UBE2R2: variants seen among roughly 807,000 people sequenced by gnomAD.
UBE2R2 encodes the protein ubiquitin conjugating enzyme E2 R2, also known as ubiquitin-conjugating enzyme E2 R2.
Under a neutral mutation model 27.8 loss-of-function variants are expected in UBE2R2, and 1 was observed. The observed-to-expected ratio is 0.04, with a 90% CI of 0.01 to 0.17. UBE2R2 has a LOEUF of 0.17. UBE2R2 is among the 10% of genes least tolerant of loss of function. UBE2R2 has a pLI of 1.00. For synonymous variants in UBE2R2, 106 were observed against 113.3 expected (o/e 0.94, Z 0.41); for missense variants, 100 against 291.0 (o/e 0.34, Z 4.78).
intron 1 of UBE2R2, among the ~76,000 whole-genome samples, chr9:33,874,728 A>G (rs1821565875): frequency 1.3e-5 from 2 of 151,974 alleles, no homozygotes; most frequent in South Asian, 4.2e-4. Flanking sequence ...CTGGGGTGCA[A>G]TGTCAGGATC....
At chr9:33,822,906 A>C (rs1229664131) in intron 1 of UBE2R2, among the ~76,000 whole-genome samples, 3 of 127,870 alleles carry the variant, frequency 2.3e-5, no homozygotes, top group South Asian at 2.4e-4. Context: ...CTTCTTATTA[A>C]TTTTTTTTTT....
intron 1 of UBE2R2, among the ~76,000 whole-genome samples, chr9:33,841,225 G>A (rs1285730614): frequency 2.0e-5 from 3 of 152,102 alleles, no homozygotes; most frequent in African/African-American, 4.8e-5. Context: ...GATTACAGGC[G>A]TGTGCCACCA....
chr9:33,917,340 C>G lies in UBE2R2; in HGVS notation c.*103C>G, dbSNP rs560428091. On this transcript the variant is annotated 3_prime_UTR_variant, in exon 5 of 5. Transcript: ENST00000263228. ...CCCCTCAGCAAAAACCTATTCACAG[C>G]GGGTGGGGAAACACACACAGCTCCT... The G allele has an allele frequency of 3.3e-6, 5 of 1,532,742 alleles. No individual in the cohort carries two copies. The South Asian group carries it at 6.2e-5, about 19-fold the overall frequency. The allele number at this position is 1,532,742 out of a possible 1,614,324, so 94.9% of individuals were successfully genotyped here. A position where few individuals can be genotyped will look rare whatever the true frequency, so the allele number is the denominator to read the frequency against.
chr9:33,873,726 G>T (rs1214927099), intron 1 of UBE2R2, among the ~76,000 whole-genome samples: 2 of 151,798 alleles, frequency 1.3e-5, no homozygotes, highest in African/African-American at 4.8e-5. Flanking sequence ...CTGCATACTT[G>T]ACCTCCCAGG....
chr9:33,848,029 A>G (rs1480479781), intron 1 of UBE2R2, among the ~76,000 whole-genome samples: 2 of 152,134 alleles, frequency 1.3e-5, no homozygotes, highest in Non-Finnish European at 2.9e-5. Flanking sequence ...TGCTGGGATT[A>G]CATGCAGGAG....
chr9:33,857,041 C>T (rs1272323708), intron 1 of UBE2R2, among the ~76,000 whole-genome samples: 6 of 151,404 alleles, frequency 4.0e-5, no homozygotes, highest in East Asian at 3.9e-4. Context: ...GGATTACAGG[C>T]GCGTGCCACC....
chr9:33,866,872 A>T (rs1821375315), intron 1 of UBE2R2, among the ~76,000 whole-genome samples: 1 of 152,192 alleles, frequency 6.6e-6, no homozygotes, highest in Admixed American at 6.5e-5. Context: ...GTGAATCCAC[A>T]TACATGTATT....
chr9:33,873,906 G>A (rs1239885186), intron 1 of UBE2R2, among the ~76,000 whole-genome samples: 1 of 151,650 alleles, frequency 6.6e-6, no homozygotes, highest in Non-Finnish European at 1.5e-5. Context: ...GCCTCCCAAA[G>A]TGCTAGGGTT....
intron 1 of UBE2R2, among the ~76,000 whole-genome samples, chr9:33,869,200 T>C (rs1821427618): frequency 6.6e-6 from 1 of 151,812 alleles, no homozygotes. Context: ...GCCCGGGAGG[T>C]CGAGGCTGCA....
intron 2 of UBE2R2, among the ~76,000 whole-genome samples, chr9:33,888,562 G>T (rs909666927): frequency 3.3e-5 from 5 of 152,126 alleles, no homozygotes; most frequent in African/African-American, 9.7e-5. Flanking sequence ...CTGTCACCCA[G>T]GCTGGAGTGC....
chr9:33,901,302 C>T (rs193104004), intron 3 of UBE2R2, among the ~76,000 whole-genome samples: 1 of 152,232 alleles, frequency 6.6e-6, no homozygotes, highest in Admixed American at 6.5e-5. Flanking sequence ...TTCATTATGT[C>T]ATATCTGAAG....
intron 1 of UBE2R2, among the ~76,000 whole-genome samples, chr9:33,857,906 G>T (rs1029287133): frequency 6.6e-6 from 1 of 152,056 alleles, no homozygotes; most frequent in African/African-American, 2.4e-5. Context: ...TAAGATGGAA[G>T]TTGTTCCTTA....
At chr9:33,832,589 G>A (rs1373199708) in intron 1 of UBE2R2, among the ~76,000 whole-genome samples, 5 of 151,220 alleles carry the variant, frequency 3.3e-5, no homozygotes, top group South Asian at 2.1e-4. Context: ...CCTGGGAGGC[G>A]GAGGTTGCGG....
Position 33,854,558 on chromosome 9 carries a change from G to A in UBE2R2, c.178-32323G>A, listed in dbSNP as rs149660122. 3.1e-4 allele frequency among the ~76,000 whole-genome samples: 47 copies of A among 152,092 alleles called. No individual in the cohort carries two copies. In the East Asian group the frequency reaches 8.1e-3, roughly 26 times the overall value. On this transcript the variant is annotated intron_variant, in intron 1 of 4. Transcript: ENST00000263228. The stretch of plus-strand genomic sequence containing the variant: ...TTTGGTCTTGAACTCCTGACTTTAC[G>A]TGATCCGCCTGCTTCGGCCTCCCAA...
intron 4 of UBE2R2, among the ~76,000 whole-genome samples, chr9:33,913,208 C>A (rs1266389292): frequency 6.6e-6 from 1 of 152,202 alleles, no homozygotes; most frequent in African/African-American, 2.4e-5. Context: ...ATCCACCCGC[C>A]TTGGCCTCCC....
chr9:33,881,111 T>TA (rs1821723340), intron 1 of UBE2R2, among the ~76,000 whole-genome samples: 1 of 152,204 alleles, frequency 6.6e-6, no homozygotes, highest in African/African-American at 2.4e-5. Context: ...GCTCTGTTGT[T>TA]ACCAGTGCAC....
intron 1 of UBE2R2, among the ~76,000 whole-genome samples, chr9:33,822,565 T>C (rs946176525): frequency 1.3e-5 from 2 of 150,982 alleles, no homozygotes; most frequent in African/African-American, 4.9e-5. Context: ...TAGCTGGGAC[T>C]GCAGGTGCAT....
At chr9:33,895,441 C>T (rs10971769) in intron 2 of UBE2R2, among the ~76,000 whole-genome samples, 29,271 of 152,172 alleles carry the variant, frequency 0.19, 3,612 homozygotes, top group East Asian at 0.59. Context: ...CAGTACTGAA[C>T]AACATGGTTG....
chr9:33,838,658 G>A (rs545413916), intron 1 of UBE2R2, among the ~76,000 whole-genome samples: 1 of 152,084 alleles, frequency 6.6e-6, no homozygotes. Context: ...GTTTATGTTA[G>A]TTGGTTTTAT....
Sources: allele counts gnomAD v4.1 joint callset (sites outside exome capture counted in the v4.1 genomes callset), GRCh38; gene constraint gnomAD v4.1.1; transcripts MANE v1.5; gene names NCBI Gene and HGNC (gene_info 2026-07-23, HGNC 2026-07-21).